ZSWIM6: variants seen among roughly 807,000 people sequenced by gnomAD.
ZSWIM6 encodes zinc finger SWIM-type containing 6.
A neutral mutation model predicts 113.2 loss-of-function variants in ZSWIM6; 9 were observed. That is an observed-to-expected ratio of 0.08 (90% CI 0.05 to 0.14). ZSWIM6 has a LOEUF of 0.14. ZSWIM6 is among the 10% of genes least tolerant of loss of function. The probability of loss-of-function intolerance (pLI) is 1.00; values close to 1 mark genes in which losing one functional copy is unlikely to be tolerated. For synonymous variants in ZSWIM6, 611 were observed against 606.5 expected, an observed-to-expected ratio of 1.01 and a Z score of -0.11; for missense variants, 1,162 against 1,552.2, an observed-to-expected ratio of 0.75 and a Z score of 4.22.
chr5:61,406,425 T>C (rs1746044415), intron 1 of ZSWIM6, among the ~76,000 whole-genome samples: 1 of 152,114 alleles, frequency 6.6e-6, no homozygotes, highest in Non-Finnish European at 1.5e-5. Flanking sequence ...AGGTAAAAAT[T>C]AGTTGAAAGG....
chr5:61,350,185 A>T (rs1744750995), intron 1 of ZSWIM6, among the ~76,000 whole-genome samples: 1 of 152,220 alleles, frequency 6.6e-6, no homozygotes. Context: ...TTGTCCAGTC[A>T]GTCTTGGCTT....
chr5:61,371,459 AT>A (rs1745260507), intron 1 of ZSWIM6, among the ~76,000 whole-genome samples: 1 of 152,232 alleles, frequency 6.6e-6, no homozygotes, highest in Non-Finnish European at 1.5e-5. Flanking sequence ...AATTGCTTTT[AT>A]TTTAAAGAGA....
intron 1 of ZSWIM6, among the ~76,000 whole-genome samples, chr5:61,453,547 G>A (rs929507063): frequency 6.6e-6 from 1 of 151,658 alleles, no homozygotes; most frequent in Non-Finnish European, 1.5e-5. Flanking sequence ...GCTAATTTTT[G>A]TATTTTTTTG....
chr5:61,464,398 A>T (rs1747387154), intron 1 of ZSWIM6, among the ~76,000 whole-genome samples: 1 of 151,792 alleles, frequency 6.6e-6, no homozygotes, highest in Non-Finnish European at 1.5e-5. Flanking sequence ...GAATTGTAGA[A>T]ACCTTATGTT....
At chr5:61,347,857 T>G (rs933490089) in intron 1 of ZSWIM6, 1 of 152,212 alleles carries the variant, frequency 6.6e-6, no homozygotes, top group African/African-American at 2.4e-5. Context: ...CATAGTACCC[T>G]TGGTTTTAAG....
chr5:61,522,419 T>G (rs1338419667), intron 5 of ZSWIM6, among the ~76,000 whole-genome samples: 2 of 152,224 alleles, frequency 1.3e-5, no homozygotes, highest in Non-Finnish European at 2.9e-5. Context: ...ACATTCTCTA[T>G]GTACTAGCCA....
At chr5:61,377,488 G>T (rs1222127257) in intron 1 of ZSWIM6, among the ~76,000 whole-genome samples, 3 of 152,140 alleles carry the variant, frequency 2.0e-5, no homozygotes, top group Non-Finnish European at 4.4e-5. Context: ...GGAGGCTGAG[G>T]CTGGCGGATC....
chr5:61,509,003 G>A lies in ZSWIM6; in HGVS notation c.1334-12260G>A, dbSNP rs76939601. ...TTATTAACAAGAACAGTGGTTATAAGTCTAACAACACTTCATGCCTTCTTC... is the reference window on the plus strand; with the variant it reads ...TTATTAACAAGAACAGTGGTTATAAATCTAACAACACTTCATGCCTTCTTC... On this transcript the variant is annotated intron_variant, in intron 4 of 13. Coordinates refer to ENST00000252744, the MANE Select transcript of ZSWIM6 (RefSeq NM_020928.2). Among the ~76,000 whole-genome samples the A allele has an allele frequency of 6.1e-3, 921 of 152,192 alleles. 12 individuals are homozygous for A. Among genetic ancestry groups the A allele is most frequent in the African/African-American group, 0.021 (861 of 41,542 alleles).
In ZSWIM6 at chr5:61,332,870, G is replaced by C. The variant is rs1367538509; in HGVS notation, c.598G>C (p.Gly200Arg). 4.8e-6 allele frequency: 6 copies of C among 1,260,040 alleles called. No individual in the cohort carries two copies. In the African/African-American group the frequency reaches 6.3e-5, roughly 13 times the overall value. 78.1% of individuals were successfully genotyped at this position (1,260,040 alleles called of 1,614,324 possible). A position where few individuals can be genotyped will look rare whatever the true frequency, so the allele number is the denominator to read the frequency against. Residue 200 changes from glycine (G) to arginine (R), a missense_variant, in exon 1 of 14, where the codon GGC becomes CGC. Around this residue, in one of 4 missense-constraint regions of ZSWIM6, gnomAD observed 333 missense variants for 293.4 expected, o/e 1.13. Coordinates refer to ENST00000252744, the MANE Select transcript of ZSWIM6 (RefSeq NM_020928.2). ...GGGGGCTGCCGGGGCGGCGGACGGC[G>C]GCGACGAGACGCGGCTGCCTTTCCG... Reference protein sequence around the residue: ...SVGAAGAADGGDETRLPFRRG... With the variant: ...SVGAAGAADGRDETRLPFRRG...
intron 8 of ZSWIM6, among the ~76,000 whole-genome samples, chr5:61,530,687 T>A (rs1412013915): frequency 6.6e-6 from 1 of 152,230 alleles, no homozygotes; most frequent in African/African-American, 2.4e-5. Flanking sequence ...GTTTTGAGAT[T>A]TCACTTTGGC....
chr5:61,538,334 G>A (rs148484785), intron 10 of ZSWIM6, among the ~76,000 whole-genome samples: 13 of 152,120 alleles, frequency 8.5e-5, no homozygotes, highest in Non-Finnish European at 1.8e-4. Context: ...CTTGTTTTAT[G>A]TTTAAATAGG....
chr5:61,412,616 A>G (rs975966623), intron 1 of ZSWIM6, among the ~76,000 whole-genome samples: 2 of 152,260 alleles, frequency 1.3e-5, no homozygotes, highest in African/African-American at 4.8e-5. Context: ...CAGTGAAAAC[A>G]GATTGTCAAA....
intron 1 of ZSWIM6, among the ~76,000 whole-genome samples, chr5:61,410,457 G>A (rs1452636385): frequency 2.6e-5 from 4 of 151,496 alleles, no homozygotes; most frequent in South Asian, 2.1e-4. Context: ...TTACAGGCAC[G>A]TGCCACCATG....
intron 1 of ZSWIM6, among the ~76,000 whole-genome samples, chr5:61,468,063 G>C (rs1339612433): frequency 6.6e-6 from 1 of 152,168 alleles, no homozygotes. Context: ...CTATGTGCCA[G>C]GTGCTTTACA....
At chr5:61,493,907 T>C (rs1010234374) in intron 3 of ZSWIM6, among the ~76,000 whole-genome samples, 2 of 152,120 alleles carry the variant, frequency 1.3e-5, no homozygotes, top group African/African-American at 4.8e-5. Flanking sequence ...GAAACACGAT[T>C]TACTCACCTT....
intron 4 of ZSWIM6, among the ~76,000 whole-genome samples, chr5:61,505,694 C>CCTTCCTT (rs1748595144): frequency 9.8e-6 from 1 of 101,912 alleles, no homozygotes; most frequent in Non-Finnish European, 2.1e-5. Flanking sequence ...CTCCCTCCCT[C>CCTTCCTT]CCTTCCTTCC....
At chr5:61,440,669 G>T (rs1467527031) in intron 1 of ZSWIM6, among the ~76,000 whole-genome samples, 1 of 152,178 alleles carries the variant, frequency 6.6e-6, no homozygotes, top group African/African-American at 2.4e-5. Context: ...AGGGTGCTTG[G>T]AGTTTCCTTT....
intron 1 of ZSWIM6, chr5:61,375,634 A>C (rs1002740362): frequency 6.5e-7 from 1 of 1,540,100 alleles, no homozygotes; most frequent in Non-Finnish European, 8.8e-7. Flanking sequence ...AAAGGATATT[A>C]AAGGACTCAG....
intron 1 of ZSWIM6, among the ~76,000 whole-genome samples, chr5:61,405,130 A>G (rs1746019365): frequency 6.6e-6 from 1 of 152,240 alleles, no homozygotes; most frequent in Non-Finnish European, 1.5e-5. Flanking sequence ...TGTAGAGGTT[A>G]GTTGCTATAA....
Sources: allele counts gnomAD v4.1 joint callset (sites outside exome capture counted in the v4.1 genomes callset), GRCh38; gene constraint gnomAD v4.1.1; regional missense constraint gnomAD v4.1.1; transcripts MANE v1.5; gene names NCBI Gene and HGNC (gene_info 2026-07-23, HGNC 2026-07-21).